WWOX: variants seen among roughly 807,000 people sequenced by gnomAD.
WWOX encodes WW domain containing oxidoreductase.
In WWOX, 69 loss-of-function variants were observed where a neutral mutation model predicts 46.2. That is an observed-to-expected ratio of 1.49 (90% CI 1.23 to 1.82). The LOEUF (loss-of-function observed/expected upper bound fraction) is 1.82. Ranked by LOEUF, WWOX falls within the 40% of genes most tolerant of loss-of-function variation. WWOX has a pLI of 0.00. For missense variants in WWOX, 919 were observed against 542.6 expected, an observed-to-expected ratio of 1.69 and a Z score of -6.89; for synonymous variants, 359 against 202.6, an observed-to-expected ratio of 1.77 and a Z score of -6.56.
At chr16:78,485,557 A>C in intron 8 of WWOX, among the ~76,000 whole-genome samples, 1 of 152,244 alleles carries the variant, frequency 6.6e-6, no homozygotes, top group East Asian at 1.9e-4. Flanking sequence ...TACTAAATTA[A>C]TGTATACTGT....
intron 4 of WWOX, among the ~76,000 whole-genome samples, chr16:78,119,752 C>A (rs1380738452): frequency 2.6e-5 from 4 of 151,988 alleles, no homozygotes; most frequent in Admixed American, 1.3e-4. Flanking sequence ...TGGTGTGAGC[C>A]ACTGTGCCCA....
chr16:78,980,065 T>C (rs1441028364), intron 8 of WWOX, among the ~76,000 whole-genome samples: 1 of 152,076 alleles, frequency 6.6e-6, no homozygotes, highest in Non-Finnish European at 1.5e-5. Context: ...AAGGCCAAGG[T>C]TGTAGTAAGC....
At chr16:78,377,634 T>C (rs2081861601) in intron 5 of WWOX, among the ~76,000 whole-genome samples, 1 of 152,202 alleles carries the variant, frequency 6.6e-6, no homozygotes, top group South Asian at 2.1e-4. Flanking sequence ...TAAACTGTTT[T>C]TAAGCTGCAA....
intron 5 of WWOX, among the ~76,000 whole-genome samples, chr16:78,186,621 C>G (rs576324002): frequency 1.3e-5 from 2 of 152,174 alleles, no homozygotes; most frequent in East Asian, 3.9e-4. Flanking sequence ...AAAAGTTAGC[C>G]GGGCGTGGTG....
Position 78,825,584 on chromosome 16 carries a change from G to A in WWOX, c.1057-386024G>A, listed in dbSNP as rs1404636395. On this transcript the variant is annotated intron_variant, in intron 8 of 8. Coordinates refer to ENST00000566780, the MANE Select transcript of WWOX (RefSeq NM_016373.4). ...AGGTCTGTGTGCCATTGCCCAGGTC[G>A]AGTCTGCAGTACAAACTCCTAGGAG... 3 of 533,696 alleles carry A rather than the reference G, an allele frequency of 5.6e-6. No individual in the cohort carries two copies. The African/African-American group carries it at 5.7e-5, about 10-fold the overall frequency. The allele number at this position is 533,696 out of a possible 1,614,324, so 33.1% of individuals were successfully genotyped here. A position where few individuals can be genotyped will look rare whatever the true frequency, so the allele number is the denominator to read the frequency against.
chr16:78,304,005 C>T (rs942079330), intron 5 of WWOX, among the ~76,000 whole-genome samples: 1 of 152,150 alleles, frequency 6.6e-6, no homozygotes. Flanking sequence ...TTTTACTAGC[C>T]CTGAGGTTTC....
intron 5 of WWOX, among the ~76,000 whole-genome samples, chr16:78,195,821 CAAAAAAAAAA>C (rs148609646): frequency 5.3e-5 from 4 of 76,060 alleles, no homozygotes; most frequent in East Asian, 7.7e-4. Flanking sequence ...GACTCTGCCT[CAAAAAAAAAA>C]AAAAAAAAAG....
chr16:78,543,364 G>C (rs896727972), intron 8 of WWOX, among the ~76,000 whole-genome samples: 1 of 152,206 alleles, frequency 6.6e-6, no homozygotes, highest in Admixed American at 6.5e-5. Flanking sequence ...CCAGAGGTCT[G>C]TGCACACTAT....
intron 5 of WWOX, among the ~76,000 whole-genome samples, chr16:78,316,851 C>T (rs182843858): frequency 3.3e-5 from 5 of 152,296 alleles, no homozygotes; most frequent in Admixed American, 3.3e-4. Flanking sequence ...GTATACCATT[C>T]AGTACCAACC....
intron 8 of WWOX, among the ~76,000 whole-genome samples, chr16:79,073,103 T>A (rs1416653185): frequency 1.3e-5 from 2 of 151,660 alleles, no homozygotes; most frequent in Non-Finnish European, 2.9e-5. Flanking sequence ...CTCATTATGG[T>A]ACATAAAAGA....
chr16:78,927,108 T>A (rs1299117327), intron 8 of WWOX, among the ~76,000 whole-genome samples: 1 of 152,226 alleles, frequency 6.6e-6, no homozygotes, highest in Non-Finnish European at 1.5e-5. Context: ...GGCACCATTC[T>A]TGACTGCGAG....
At chr16:78,973,603 A>C (rs550533458) in intron 8 of WWOX, among the ~76,000 whole-genome samples, 2 of 152,222 alleles carry the variant, frequency 1.3e-5, no homozygotes, top group South Asian at 4.1e-4. Flanking sequence ...CAGTCTCTCA[A>C]ACTGTAGGAG....
intron 8 of WWOX, among the ~76,000 whole-genome samples, chr16:79,197,879 C>A (rs1260460596): frequency 6.6e-6 from 1 of 152,150 alleles, no homozygotes; most frequent in East Asian, 1.9e-4. Context: ...AAGGCTCTCA[C>A]TTTCCAATCA....
At chr16:78,291,513 A>C (rs1200676394) in intron 5 of WWOX, among the ~76,000 whole-genome samples, 1 of 152,206 alleles carries the variant, frequency 6.6e-6, no homozygotes, top group African/African-American at 2.4e-5. Flanking sequence ...TCCAGGCAGG[A>C]CTGGGAACCT....
At chr16:79,193,708 G>C (rs2051182696) in intron 8 of WWOX, among the ~76,000 whole-genome samples, 3 of 152,162 alleles carry the variant, frequency 2.0e-5, no homozygotes, top group Admixed American at 2.0e-4. Context: ...CTGGTTTGGA[G>C]GAAGGAGAGG....
chr16:78,267,896 C>T (rs1271392957), intron 5 of WWOX, among the ~76,000 whole-genome samples: 5 of 152,172 alleles, frequency 3.3e-5, no homozygotes, highest in African/African-American at 4.8e-5. Context: ...CAAGTCACTG[C>T]AGCCTTGACT....
At chr16:78,330,379 G>T (rs1370148966) in intron 5 of WWOX, among the ~76,000 whole-genome samples, 1 of 151,468 alleles carries the variant, frequency 6.6e-6, no homozygotes, top group Non-Finnish European at 1.5e-5. Context: ...TGTTTAAAGA[G>T]AAAATTTCAC....
chr16:78,339,069 C>A (rs536223009), intron 5 of WWOX, among the ~76,000 whole-genome samples: 1 of 120,120 alleles, frequency 8.3e-6, no homozygotes, highest in South Asian at 2.5e-4. Flanking sequence ...TAGCTTCCTT[C>A]TACTTTGGTG....
At chr16:78,736,163 T>C (rs2049087149) in intron 8 of WWOX, among the ~76,000 whole-genome samples, 1 of 152,168 alleles carries the variant, frequency 6.6e-6, no homozygotes, top group East Asian at 1.9e-4. Flanking sequence ...AGATGTGGTC[T>C]CAAATGAAGT....
Sources: gnomAD v4.1 joint callset for allele counts (sites outside exome capture counted in the v4.1 genomes callset) on GRCh38, gnomAD v4.1.1 for gene constraint, MANE v1.5 for transcripts, NCBI Gene and HGNC (gene_info 2026-07-23, HGNC 2026-07-21) for gene names.